SNX13: variants seen among roughly 807,000 people sequenced by gnomAD.
SNX13 encodes the protein sorting nexin 13.
A neutral mutation model predicts 133.6 loss-of-function variants in SNX13; 45 were observed. The observed-to-expected ratio is 0.34, with a 90% CI of 0.27 to 0.43. The LOEUF is 0.43. Ranked by LOEUF, SNX13 falls within the 20% of genes least tolerant of loss-of-function variation. SNX13 has a pLI of 1.00. For missense variants in SNX13, 1,032 were observed against 1,145.1 expected (o/e 0.90, Z 1.43); for synonymous variants, 414 against 373.9 (o/e 1.11, Z -1.24).
intron 1 of SNX13, among the ~76,000 whole-genome samples, chr7:17,930,694 C>T (rs1801296287): frequency 6.6e-6 from 1 of 152,142 alleles, no homozygotes; most frequent in Admixed American, 6.5e-5. Context: ...TTGTGGTGTT[C>T]TGCCCTTCAA....
chr7:17,875,275 G>A (rs1445185325), intron 7 of SNX13, among the ~76,000 whole-genome samples: 1 of 152,042 alleles, frequency 6.6e-6, no homozygotes, highest in Non-Finnish European at 1.5e-5. Flanking sequence ...GCCAGGACCA[G>A]TTAATTATTA....
intron 1 of SNX13, among the ~76,000 whole-genome samples, chr7:17,913,307 C>G (rs572450721): frequency 3.3e-4 from 51 of 152,326 alleles, no homozygotes; most frequent in African/African-American, 1.2e-3. Flanking sequence ...GCAGAGACAG[C>G]AGTGGCTCTT....
chr7:17,842,780 T>C (rs952033475), intron 12 of SNX13, among the ~76,000 whole-genome samples: 1 of 152,194 alleles, frequency 6.6e-6, no homozygotes, highest in Non-Finnish European at 1.5e-5. Flanking sequence ...GACTTAGTTT[T>C]GTGACGTCAT....
chr7:17,814,112 T>G (rs571023574), intron 20 of SNX13, among the ~76,000 whole-genome samples: 1 of 152,186 alleles, frequency 6.6e-6, no homozygotes, highest in Non-Finnish European at 1.5e-5. Flanking sequence ...CTATTATTAC[T>G]AAGAGCAAAC....
intron 13 of SNX13, among the ~76,000 whole-genome samples, chr7:17,837,682 A>G (rs948265220): frequency 5.9e-5 from 9 of 152,022 alleles, no homozygotes; most frequent in African/African-American, 1.9e-4. Flanking sequence ...AAGCATAATG[A>G]TGTCATCATA....
intron 25 of SNX13, chr7:17,796,549 T>C (rs1016702406): frequency 1.0e-5 from 3 of 291,300 alleles, no homozygotes; most frequent in Non-Finnish European, 1.9e-5. Context: ...ATACCAACTG[T>C]TGCTTAGTAG....
At chr7:17,809,334 TAAAAC>T (rs1347007013) in intron 20 of SNX13, among the ~76,000 whole-genome samples, 2 of 106,718 alleles carry the variant, frequency 1.9e-5, no homozygotes, top group Non-Finnish European at 3.9e-5. Context: ...TAGTCTCTGA[TAAAAC>T]AGACTTTAAA....
intron 9 of SNX13, among the ~76,000 whole-genome samples, chr7:17,863,487 A>C (rs1342876517): frequency 6.6e-6 from 1 of 152,208 alleles, no homozygotes; most frequent in African/African-American, 2.4e-5. Context: ...GCTCAGCCGC[A>C]GTAAAACCAA....
At chr7:17,850,302 T>C in intron 11 of SNX13, 45 bp downstream of exon 11, 2 of 1,312,092 alleles carry the variant, frequency 1.5e-6, no homozygotes, top group Non-Finnish European at 2.1e-6. Flanking sequence ...ATCCCTATAG[T>C]ATAGTATTTA....
At chr7:17,794,902 G>A (rs753953669) in intron 25 of SNX13, 4 of 151,628 alleles carry the variant, frequency 2.6e-5, no homozygotes, top group South Asian at 2.1e-4. Context: ...AAGAATATTG[G>A]TAGTGGGGAG....
At chr7:17,920,981 T>A (rs904817899) in intron 1 of SNX13, among the ~76,000 whole-genome samples, 2 of 151,998 alleles carry the variant, frequency 1.3e-5, no homozygotes, top group South Asian at 4.1e-4. Flanking sequence ...CGCACTGGAG[T>A]GAGAAGAACA....
chr7:17,913,743 T>C (rs368939026), intron 1 of SNX13, among the ~76,000 whole-genome samples: 10 of 51,936 alleles, frequency 1.9e-4, no homozygotes, highest in African/African-American at 7.7e-4. Flanking sequence ...AGCCAAACAA[T>C]AGCAAATTAA....
At chr7:17,844,791 T>C (rs963903032) in intron 12 of SNX13, among the ~76,000 whole-genome samples, 2 of 148,644 alleles carry the variant, frequency 1.3e-5, no homozygotes, top group Non-Finnish European at 3.0e-5. Context: ...GAATGAAGGA[T>C]AAACACCACA....
At chr7:17,880,797 A>C (rs1357554291) in intron 5 of SNX13, 1 of 152,212 alleles carries the variant, frequency 6.6e-6, no homozygotes, top group Non-Finnish European at 1.5e-5. Flanking sequence ...ACACACAAAG[A>C]CTATAGATTA....
chr7:17,892,502 A>G (rs956107909), intron 3 of SNX13, among the ~76,000 whole-genome samples: 15 of 144,364 alleles, frequency 1.0e-4, no homozygotes, highest in African/African-American at 3.8e-4. Context: ...ACTTATAAGT[A>G]AAAAAAAAAA....
rs1291819321 is a variant in SNX13, at chr7:17,793,920, T to C, written c.*125A>G. 3.0e-6 allele frequency: 3 copies of C among 1,004,800 alleles called. No homozygotes were observed. The highest frequency in any genetic ancestry group is 5.8e-5 in the Admixed American group (2 of 34,232). 62.2% of individuals were successfully genotyped at this position (1,004,800 alleles called of 1,614,324 possible). ...AAGAACCACAGACTTATGGATGTAT[T>C]AATAATCTATTTTGAGACACTAAAA... is the stretch of plus-strand genomic sequence containing the variant. On this transcript the variant is annotated 3_prime_UTR_variant, in exon 26 of 26. Transcript: ENST00000428135.
rs1343973053 is a variant in SNX13, at chr7:17,841,712, T to G, written c.1166-1712A>C. ...GATGGAATATCTACTAGATGAAGAC[T>G]TTAAAACAACTACCTTAAAGATGCC... is the stretch of plus-strand genomic sequence containing the variant. On this transcript the variant is annotated intron_variant, in intron 12 of 25. Transcript: ENST00000428135. Among the ~76,000 whole-genome samples the G allele has an allele frequency of 4.6e-5, 7 of 151,474 alleles. No individual in the cohort carries two copies. The Admixed American group carries it at 4.6e-4, about 10-fold the overall frequency.
intron 1 of SNX13, 103 bp downstream of exon 1, chr7:17,940,181 C>A: frequency 1.3e-6 from 2 of 1,483,750 alleles, no homozygotes; most frequent in Non-Finnish European, 1.8e-6. Context: ...GAGCCCACGG[C>A]GAAGGGTCAG....
chr7:17,826,754 T>C (rs1344468694), intron 16 of SNX13, among the ~76,000 whole-genome samples: 1 of 152,096 alleles, frequency 6.6e-6, no homozygotes, highest in African/African-American at 2.4e-5. Flanking sequence ...AAATGAATCT[T>C]TTATAACTAC....
Sources: allele counts gnomAD v4.1 joint callset (sites outside exome capture counted in the v4.1 genomes callset), GRCh38; gene constraint gnomAD v4.1.1; transcripts MANE v1.5; gene names NCBI Gene and HGNC (gene_info 2026-07-23, HGNC 2026-07-21).